Variants in LCP2 observed in about 807,000 individuals in gnomAD.
The protein encoded by LCP2 is 76 kDa tyrosine phosphoprotein.
LCP2 carries 29 observed loss-of-function variants against 74.5 expected under a neutral mutation model. That is an observed-to-expected ratio of 0.39 (90% CI 0.29 to 0.53). The LOEUF (loss-of-function observed/expected upper bound fraction) is 0.53, where lower values mean the gene tolerates loss of function less well. LCP2 is among the 20% of genes least tolerant of loss of function. The pLI is 0.72. For synonymous variants in LCP2, 228 were observed against 229.5 expected (o/e 0.99, Z 0.06); for missense variants, 604 against 634.6 (o/e 0.95, Z 0.52).
Position 170,262,721 on chromosome 5 carries a change from G to A in LCP2, c.840C>T (p.Pro280=). ...PAGRSLGEHL[P]KIQKPPLPPT... ...GTGGTAAAGGAGGCTTTTGAATCTT[G>A]GGTAAATGCTCCCCGAGTGACCTGT... The change falls in exon 13 of 21, where the codon CCC becomes CCT. Residue 280 remains proline (P), a synonymous_variant. Coordinates refer to ENST00000046794, the MANE Select transcript of LCP2 (RefSeq NM_005565.5). 6.2e-7 allele frequency: 1 copy of A among 1,613,974 alleles called. No homozygotes were observed. Among genetic ancestry groups the A allele is most frequent in the Non-Finnish European group, 8.5e-7 (1 of 1,179,856 alleles).
intron 3 of LCP2, among the ~76,000 whole-genome samples, chr5:170,284,085 A>G (rs770509412): frequency 2.6e-5 from 4 of 152,232 alleles, no homozygotes; most frequent in Non-Finnish European, 5.9e-5. Context: ...GGCCTGACAC[A>G]TTGTAGTTAT....
At chr5:170,259,457 G>T (rs114722983) in intron 14 of LCP2, among the ~76,000 whole-genome samples, 1 of 152,072 alleles carries the variant, frequency 6.6e-6, no homozygotes, top group Admixed American at 6.6e-5. Flanking sequence ...TTTATCTTCA[G>T]AGCAACCTTG....
chr5:170,290,114 T>C (rs891222676), intron 2 of LCP2, among the ~76,000 whole-genome samples: 66 of 152,348 alleles, frequency 4.3e-4, no homozygotes, highest in South Asian at 1.0e-3. Flanking sequence ...TGCTATGTGA[T>C]GTAACCCCCT....
chr5:170,280,983 A>G (rs1762090040), intron 3 of LCP2, among the ~76,000 whole-genome samples: 1 of 152,182 alleles, frequency 6.6e-6, no homozygotes, highest in South Asian at 2.1e-4. Flanking sequence ...CAGTCTGGGC[A>G]ACAAGAGTGA....
chr5:170,248,958 ATTAGT>A, intron 20 of LCP2, 139 bp from the exon 21 acceptor site: 1 of 790,156 alleles, frequency 1.3e-6, no homozygotes, highest in Non-Finnish European at 2.0e-6. Flanking sequence ...AAATGTGGCA[ATTAGT>A]TTAATGATTT....
intron 10 of LCP2, among the ~76,000 whole-genome samples, chr5:170,263,548 G>A: frequency 6.6e-6 from 1 of 152,286 alleles, no homozygotes; most frequent in East Asian, 1.9e-4. Context: ...TTGTCTGCTT[G>A]TTTTTAGTTA....
rs200955551 is a variant in LCP2, at chr5:170,256,361, C to T, written c.1150+165G>A. ...TGTTTTAGGTACTATCCTATCATTCCGACAGCCCTTGGCACACTGCAGACA... is the reference window on the plus strand; with the variant it reads ...TGTTTTAGGTACTATCCTATCATTCTGACAGCCCTTGGCACACTGCAGACA... On this transcript the variant is annotated intron_variant, in intron 17 of 20. Coordinates refer to ENST00000046794, the MANE Select transcript of LCP2 (RefSeq NM_005565.5). This position sits in a 1 kb window ranked among gnomAD's most constrained non-coding sequence, Gnocchi z 4.5. 6.6e-5 allele frequency among the ~76,000 whole-genome samples: 10 copies of T among 152,118 alleles called. No individual in the cohort carries two copies. The East Asian group carries it at 1.4e-3, about 21-fold the overall frequency.
intron 3 of LCP2, among the ~76,000 whole-genome samples, chr5:170,276,912 C>T (rs955059159): frequency 2.0e-5 from 3 of 151,632 alleles, no homozygotes; most frequent in Non-Finnish European, 4.4e-5. Context: ...CCCGTCTCTA[C>T]TAAAAATACA....
intron 13 of LCP2, 80 bp from the exon 14 acceptor site, chr5:170,261,217 A>C: frequency 9.1e-7 from 1 of 1,100,154 alleles, no homozygotes; most frequent in South Asian, 1.3e-5. Flanking sequence ...GTTTTGCTTC[A>C]TTGAATAATG....
chr5:170,274,472 C>A (rs532528014), intron 5 of LCP2, 134 bp from the exon 6 acceptor site: 1 of 901,698 alleles, frequency 1.1e-6, no homozygotes, highest in Non-Finnish European at 1.7e-6. Flanking sequence ...TCCCACACCC[C>A]TGCAGGTTTA....
chr5:170,283,753 G>T (rs1056122636), intron 3 of LCP2, among the ~76,000 whole-genome samples: 3 of 152,164 alleles, frequency 2.0e-5, no homozygotes, highest in African/African-American at 7.2e-5. Flanking sequence ...TGCCCCAGCT[G>T]CTCTGCCCCA....
rs748460387 is a variant in LCP2, at chr5:170,268,440, G to T, written c.566C>A (p.Pro189His). 2 of 416,650 alleles carry T rather than the reference G, an allele frequency of 4.8e-6. No individual in the cohort carries two copies. Among genetic ancestry groups the T allele is most frequent in the East Asian group, 8.8e-5 (1 of 11,364 alleles). 25.8% of individuals were successfully genotyped at this position (416,650 alleles called of 1,614,324 possible). A position where few individuals can be genotyped will look rare whatever the true frequency, so the allele number is the denominator to read the frequency against. The part of the protein sequence containing the change: ...SGKTPQQPPV[P>H]PQRPMAALPP... ...GAGGGCGGCCATCGGTCTCTGGGGG[G>T]GCACAGGAGGCTGCTGGGGGGTTTT... The change falls in exon 8 of 21, where the codon CCC becomes CAC. Residue 189 changes from proline to histidine, a missense_variant. Transcript: ENST00000046794.
At chr5:170,252,137 T>C in intron 19 of LCP2, 1 of 233,536 alleles carries the variant, frequency 4.3e-6, no homozygotes, top group South Asian at 8.5e-5. Context: ...AGTCTCCTTC[T>C]GACACCATGT....
intron 10 of LCP2, among the ~76,000 whole-genome samples, chr5:170,264,858 T>G (rs796248232): frequency 1.1e-4 from 17 of 151,210 alleles, no homozygotes; most frequent in African/African-American, 3.9e-4. Flanking sequence ...ATGGGGAGAG[T>G]TTTGACGGTA....
At position 170,275,983 on chromosome 5, in the gene LCP2, C is replaced by T. The variant is rs140152216; in HGVS notation, c.189-123G>A. On this transcript the variant is annotated intron_variant, in intron 3 of 20. Transcript: ENST00000046794. ...ACCAGGGCCAACTTTGGCCAGGCTC[C>T]TCTTTGTCACCTCTGCAGGGACCCT... 2.0e-5 allele frequency: 15 copies of T among 737,142 alleles called. No individual in the cohort carries two copies. The East Asian group carries it at 3.8e-4, about 18-fold the overall frequency. The allele number at this position is 737,142 out of a possible 1,614,324, so 45.7% of individuals were successfully genotyped here.
chr5:170,287,890 A>G (rs1305267158), intron 3 of LCP2, 80 bp downstream of exon 3: 11 of 1,314,208 alleles, frequency 8.4e-6, no homozygotes, highest in East Asian at 2.3e-5. Context: ...ATGACATAGA[A>G]CTGACCCAGC....
intron 6 of LCP2, among the ~76,000 whole-genome samples, 195 bp from the exon 7 acceptor site, chr5:170,271,112 G>A (rs1761890580): frequency 6.6e-6 from 1 of 152,172 alleles, no homozygotes; most frequent in South Asian, 2.1e-4. Context: ...GCAAGTCATG[G>A]ACTTGAGACC....
chr5:170,287,180 G>A (rs192857706), intron 3 of LCP2, among the ~76,000 whole-genome samples: 10 of 152,272 alleles, frequency 6.6e-5, no homozygotes, highest in Admixed American at 1.3e-4. Flanking sequence ...GAGGCTTTGC[G>A]ATGGCTACTT....
intron 3 of LCP2, among the ~76,000 whole-genome samples, chr5:170,276,156 G>A (rs1272599544): frequency 6.6e-6 from 1 of 151,924 alleles, no homozygotes; most frequent in Admixed American, 6.6e-5. Flanking sequence ...AGACTTGTCA[G>A]CTCACACCTG....
Sources: gnomAD v4.1 joint callset for allele counts (sites outside exome capture counted in the v4.1 genomes callset) on GRCh38, gnomAD v4.1.1 for gene constraint, Gnocchi (gnomAD v3.1) non-coding constraint, MANE v1.5 for transcripts, NCBI Gene and HGNC (gene_info 2026-07-23, HGNC 2026-07-21) for gene names.